NLRP12: variants seen among roughly 807,000 people sequenced by gnomAD.
NLRP12 encodes NACHT, LRR and PYD domains-containing protein 12.
NLRP12 carries 108 observed loss-of-function variants against 91.2 expected under a neutral mutation model. The ratio of observed to expected loss-of-function variants is 1.18; its 90% CI spans 1.01 to 1.39. The LOEUF (loss-of-function observed/expected upper bound fraction) is 1.39. Among genes scored for constraint, NLRP12 ranks in the 40% most tolerant of loss-of-function variants. The pLI, the probability that NLRP12 is intolerant of heterozygous loss-of-function variation, is 0.00. For synonymous variants in NLRP12, 613 were observed against 566.7 expected, an observed-to-expected ratio of 1.08 and a Z score of -1.16; for missense variants, 1,530 against 1,352.7, an observed-to-expected ratio of 1.13 and a Z score of -2.06.
rs570169359 is a variant in NLRP12 at position 53,810,087 on chromosome 19, C to T, written c.1572G>A (p.Met524Ile). ...HLSFQEFFAA[M>I]YYILDEGEGG... Reference sequence around the variant, plus strand: ...CCTCCCCCTCGTCCAGGATATAGTACATAGCTGCAAAGAATTCCTGGAAAC... The same window carrying T: ...CCTCCCCCTCGTCCAGGATATAGTATATAGCTGCAAAGAATTCCTGGAAAC... The change falls in exon 3 of 10, where the codon ATG (methionine) becomes ATA (isoleucine). Residue 524 changes from methionine to isoleucine, a missense_variant. By Grantham distance (10) the Met-to-Ile change is conservative. Coordinates refer to ENST00000324134, the MANE Select transcript of NLRP12 (RefSeq NM_144687.4). 15 of 1,614,056 alleles carry T rather than the reference C, an allele frequency of 9.3e-6. No homozygotes were observed. Among genetic ancestry groups the T allele is most frequent in the Middle Eastern group, 1.6e-4 (1 of 6,084 alleles).
rs1416344283 is a variant in NLRP12 at position 53,819,471 on chromosome 19, GTGTGTGTGTGTGTA to G, written c.289+4401_289+4414del. Among the ~76,000 whole-genome samples, 22 of 77,792 alleles carry G rather than the reference GTGTGTGTGTGTGTA, an allele frequency of 2.8e-4. 1 individual carries two copies. Among genetic ancestry groups the G allele is most frequent in the African/African-American group, 8.6e-4 (17 of 19,758 alleles). 51.0% of individuals were successfully genotyped at this position (77,792 alleles called of 152,430 possible). A position where few individuals can be genotyped will look rare whatever the true frequency, so the allele number is the denominator to read the frequency against. ...TATATATATATATGTGTGTGTGTGT[GTGTGTGTGTGTGTA>G]TATACATATGTGTATATATATGTAT... On this transcript the variant is annotated intron_variant, in intron 1 of 9. Transcript: ENST00000324134.
intron 1 of NLRP12, among the ~76,000 whole-genome samples, chr19:53,818,884 A>G (rs939082544): frequency 4.1e-4 from 62 of 152,136 alleles, no homozygotes; most frequent in African/African-American, 1.3e-3. Context: ...TCTTACGCAC[A>G]GTAACATGAG....
intron 8 of NLRP12, among the ~76,000 whole-genome samples, chr19:53,797,257 G>T (rs1363117055): frequency 6.6e-6 from 1 of 151,880 alleles, no homozygotes; most frequent in Non-Finnish European, 1.5e-5. Flanking sequence ...TCAGCCTCCT[G>T]TGTAGCTGGG....
chr19:53,809,682 G>T lies in NLRP12; in HGVS notation c.1977C>A (p.Ser659Arg). Residue 659 changes from serine (S) to arginine (R), a missense_variant, in exon 3 of 10, where the codon AGC becomes AGA. By Grantham distance (110) the Ser-to-Arg change is moderately radical. Transcript: ENST00000324134. ...VSSFCLKRCRSAQVLHLYGAT... is the reference protein window; with the variant it reads ...VSSFCLKRCRRAQVLHLYGAT... Reference sequence around the variant, plus strand: ...CGCCATACAAGTGCAGCACCTGGGCGCTCCTGCAGCGCTTCAGACAGAACG... The same window carrying T: ...CGCCATACAAGTGCAGCACCTGGGCTCTCCTGCAGCGCTTCAGACAGAACG... The T allele has an allele frequency of 6.2e-7, 1 of 1,614,082 alleles. No individual in the cohort carries two copies.
intron 4 of NLRP12, chr19:53,805,795 G>A (rs12610263): frequency 0.18 from 63,757 of 353,838 alleles, 6,677 homozygotes; most frequent in African/African-American, 0.32. Context: ...TGGAATTACA[G>A]GCGTGAGCCA....
intron 2 of NLRP12, among the ~76,000 whole-genome samples, chr19:53,812,148 T>TC (rs1462720594): frequency 6.6e-6 from 1 of 151,686 alleles, no homozygotes; most frequent in African/African-American, 2.4e-5. Flanking sequence ...TTTTTTTTTT[T>TC]CAGTACAGAC....
Position 53,810,455 on chromosome 19 carries a change from A to G in NLRP12, c.1204T>C (p.Phe402Leu), listed in dbSNP as rs199985574. The G allele has an allele frequency of 4.7e-5, 76 of 1,614,026 alleles. No individual in the cohort carries two copies. Among genetic ancestry groups the G allele is most frequent in the Non-Finnish European group, 6.8e-6 (8 of 1,180,034 alleles). Residue 402 changes from phenylalanine (F) to leucine (L), a missense_variant, in exon 3 of 10, where the codon TTC (phenylalanine) becomes CTC (leucine). Coordinates refer to ENST00000324134, the MANE Select transcript of NLRP12 (RefSeq NM_144687.4). ...RDNEPLFTMC[F>L]VPLVCWVVCT... ...ACCACCCAGCACACCAGGGGGACGA[A>G]GCACATGGTGAAGAGAGGCTCGTTG...
intron 1 of NLRP12, among the ~76,000 whole-genome samples, chr19:53,823,456 A>ATTTTAAAATATATG (rs1568702916): frequency 5.5e-4 from 8 of 14,486 alleles, no homozygotes; most frequent in African/African-American, 1.7e-3. Flanking sequence ...TTAAATATAT[A>ATTTTAAAATATATG]TTTTAAATAT....
chr19:53,815,048 A>G, intron 1 of NLRP12, 60 bp from the exon 2 acceptor site: 2 of 1,237,030 alleles, frequency 1.6e-6, no homozygotes, highest in Non-Finnish European at 2.4e-6. Flanking sequence ...ACCGCGTCAT[A>G]TTAGCTGCGA....
chr19:53,804,701 G>A (rs539703029), intron 5 of NLRP12, among the ~76,000 whole-genome samples: 90 of 149,350 alleles, frequency 6.0e-4, no homozygotes, highest in African/African-American at 1.9e-3. Flanking sequence ...GTGAACCACC[G>A]CTCCTGGCCC....
chr19:53,797,873 G>A (rs535557539), intron 8 of NLRP12, among the ~76,000 whole-genome samples: 71 of 151,732 alleles, frequency 4.7e-4, no homozygotes, highest in African/African-American at 1.6e-3. Context: ...CAAGTAGCTC[G>A]GATTACAGGC....
chr19:53,819,543 A>ATATATATATG (rs1555799042), intron 1 of NLRP12, among the ~76,000 whole-genome samples: 3 of 31,188 alleles, frequency 9.6e-5, no homozygotes, highest in African/African-American at 3.6e-4. Context: ...ATGTATACGT[A>ATATATATATG]TATATATGTA....
chr19:53,813,730 C>T (rs1251279629), intron 2 of NLRP12, among the ~76,000 whole-genome samples: 1 of 151,882 alleles, frequency 6.6e-6, no homozygotes, highest in East Asian at 1.9e-4. Flanking sequence ...TCACTCCCCC[C>T]AGGCTGGAGT....
At chr19:53,799,697 A>G (rs2091835718) in intron 7 of NLRP12, among the ~76,000 whole-genome samples, 1 of 151,856 alleles carries the variant, frequency 6.6e-6, no homozygotes, top group Non-Finnish European at 1.5e-5. Context: ...TGGCCAGGCT[A>G]GTCTTGAACT....
Position 53,811,219 on chromosome 19 carries a change from AGGCGC to A in NLRP12, c.435_439del (p.Leu147GlyfsTer44). ...GTGGCTGAGGTTGACACATTCCCCT[AGGCGC>A]GCATTGCGGTCTTCCATGAGCCGGA... is the stretch of plus-strand genomic sequence containing the variant. On this transcript the variant is annotated frameshift_variant, in exon 3 of 10. Transcript: ENST00000324134. LOFTEE classifies it high-confidence loss of function. 6.2e-7 allele frequency: 1 copy of A among 1,614,040 alleles called. No homozygotes were observed. Among genetic ancestry groups the A allele is most frequent in the Non-Finnish European group, 8.5e-7 (1 of 1,180,016 alleles).
At chr19:53,795,520 G>A (rs895751925) in intron 9 of NLRP12, among the ~76,000 whole-genome samples, 14 of 151,240 alleles carry the variant, frequency 9.3e-5, no homozygotes, top group Non-Finnish European at 1.2e-4. Flanking sequence ...GACTACAGGC[G>A]CCCGCCACCA....
In NLRP12 at chr19:53,793,983, G is replaced by C. The variant is rs928156234; in HGVS notation, c.*66C>G. ...AAGGAGGCTGATCATTATGCTGGGG[G>C]GGTGATGAGCACCCTCCCATCTTCC... On this transcript the variant is annotated 3_prime_UTR_variant, in exon 10 of 10. Coordinates refer to ENST00000324134, the MANE Select transcript of NLRP12 (RefSeq NM_144687.4). 9.4e-6 allele frequency: 10 copies of C among 1,060,858 alleles called. No homozygotes were observed. The highest frequency in any genetic ancestry group is 1.5e-5 in the Non-Finnish European group (10 of 674,990). 65.7% of individuals were successfully genotyped at this position (1,060,858 alleles called of 1,614,324 possible).
chr19:53,805,475 A>G (rs773814825), intron 4 of NLRP12, 25 bp from the exon 5 acceptor site: 1 of 1,608,446 alleles, frequency 6.2e-7, no homozygotes, highest in African/African-American at 1.3e-5. Context: ...AGGAGAAAGG[A>G]GCTGGTCATT....
In NLRP12 at chr19:53,810,597, C is replaced by T. The variant is rs1390390586; in HGVS notation, c.1062G>A (p.Leu354=). Residue 354 remains leucine (L), a synonymous_variant, in exon 3 of 10, where the codon CTG becomes CTA. Coordinates refer to ENST00000324134, the MANE Select transcript of NLRP12 (RefSeq NM_144687.4). ...GGATCTCCACATGCCTGGGGTGCTC[C>T]AGCAGACGGTGGAGCTTCTCCAAAG... is the stretch of plus-strand genomic sequence containing the variant. ...PTALEKLHRL[L]EHPRHVEILG... is the part of the protein sequence containing the mutation. The T allele has an allele frequency of 6.2e-7, 1 of 1,614,110 alleles. No individual in the cohort carries two copies.
Sources: gnomAD v4.1 joint callset for allele counts (sites outside exome capture counted in the v4.1 genomes callset) on GRCh38, gnomAD v4.1.1 for gene constraint, MANE v1.5 for transcripts, NCBI Gene and HGNC (gene_info 2026-07-23, HGNC 2026-07-21) for gene names.